The following LRRC4C variants were observed in gnomAD, a reference collection of about 807,000 sequenced individuals.
LRRC4C encodes the protein leucine-rich repeat-containing protein 4C.
Under a neutral mutation model 33.6 loss-of-function variants are expected in LRRC4C, and 5 were observed. The ratio of observed to expected loss-of-function variants is 0.15; its 90% CI spans 0.08 to 0.31. The LOEUF (loss-of-function observed/expected upper bound fraction) is 0.31. Ranked by LOEUF, LRRC4C falls within the 10% of genes least tolerant of loss-of-function variation. The pLI is 1.00. For synonymous variants in LRRC4C, 329 were observed against 302.0 expected (o/e 1.09, Z -0.93); for missense variants, 560 against 796.7 (o/e 0.70, Z 3.58).
At position 40,880,637 on chromosome 11, in the gene LRRC4C, T is replaced by C. The variant is rs1955124511; in HGVS notation, c.-407+52998A>G. On this transcript the variant is annotated intron_variant, in intron 2 of 6. Transcript: ENST00000528697. Reference sequence around the variant, plus strand: ...TCAAATTATTCTTGATATAAGAATATATGTATATCTTTACTAATGCATCAA... The same window carrying C: ...TCAAATTATTCTTGATATAAGAATACATGTATATCTTTACTAATGCATCAA... Among the ~76,000 whole-genome samples, 4 of 151,614 alleles carry C rather than the reference T, an allele frequency of 2.6e-5. No homozygotes were observed. In the South Asian group the frequency reaches 8.3e-4, roughly 32 times the overall value.
At chr11:40,612,409 G>T (rs911142738) in intron 3 of LRRC4C, among the ~76,000 whole-genome samples, 1 of 151,820 alleles carries the variant, frequency 6.6e-6, no homozygotes, top group Admixed American at 6.6e-5. Context: ...AGGAGGTATT[G>T]TTCAATGGGT....
intron 2 of LRRC4C, among the ~76,000 whole-genome samples, chr11:40,706,803 A>G (rs1399962373): frequency 2.6e-5 from 4 of 152,138 alleles, no homozygotes; most frequent in African/African-American, 9.7e-5. Flanking sequence ...CTTGGGCAGT[A>G]TGGCCATTTT....
Position 40,381,167 on chromosome 11 carries a change from T to C in LRRC4C, c.-269-61446A>G, listed in dbSNP as rs909033765. ...TTCGACCTAGACAAAGAATTAGTCT[T>C]TGTTGGGAAAAGTATTAACCATTTA... On this transcript the variant is annotated intron_variant, in intron 3 of 6. Transcript: ENST00000528697. Among the ~76,000 whole-genome samples, 8 of 152,190 alleles carry C rather than the reference T, an allele frequency of 5.3e-5. 1 individual carries two copies. Among genetic ancestry groups the C allele is most frequent in the Admixed American group, 5.2e-4 (8 of 15,286 alleles).
At chr11:40,375,360 TCTC>T (rs1437304463) in intron 3 of LRRC4C, among the ~76,000 whole-genome samples, 3 of 152,130 alleles carry the variant, frequency 2.0e-5, no homozygotes, top group Non-Finnish European at 2.9e-5. Context: ...AAATGAATCT[TCTC>T]TTTAACAGCT....
At chr11:40,839,878 C>T (rs990519230) in intron 2 of LRRC4C, among the ~76,000 whole-genome samples, 2 of 152,056 alleles carry the variant, frequency 1.3e-5, no homozygotes, top group Admixed American at 6.5e-5. Flanking sequence ...TCCAGAATCA[C>T]AACATTTGAA....
chr11:40,340,896 A>G (rs1946836036), intron 3 of LRRC4C, among the ~76,000 whole-genome samples: 1 of 152,190 alleles, frequency 6.6e-6, no homozygotes, highest in African/African-American at 2.4e-5. Flanking sequence ...GTAGTCACTT[A>G]TCTACCATGG....
At chr11:41,453,928 T>C (rs1228911952) in intron 1 of LRRC4C, among the ~76,000 whole-genome samples, 4 of 152,118 alleles carry the variant, frequency 2.6e-5, no homozygotes, top group South Asian at 4.1e-4. Context: ...TTTTGACCAA[T>C]TGACATCCCT....
intron 3 of LRRC4C, among the ~76,000 whole-genome samples, chr11:40,499,955 G>A (rs1565449629): frequency 6.6e-6 from 1 of 152,030 alleles, no homozygotes; most frequent in Non-Finnish European, 1.5e-5. Flanking sequence ...AGGGATCATT[G>A]GGTGTTTTTC....
At chr11:40,488,416 T>A (rs1463342852) in intron 3 of LRRC4C, among the ~76,000 whole-genome samples, 1 of 152,070 alleles carries the variant, frequency 6.6e-6, no homozygotes, top group Non-Finnish European at 1.5e-5. Flanking sequence ...AGACAACACA[T>A]TCTCATGGGG....
intron 1 of LRRC4C, among the ~76,000 whole-genome samples, chr11:41,420,709 A>G (rs1190770526): frequency 6.6e-6 from 1 of 151,958 alleles, no homozygotes; most frequent in East Asian, 1.9e-4. Flanking sequence ...GGCCCCACTA[A>G]TTACAAGCTG....
At chr11:40,918,550 A>G (rs1428054936) in intron 2 of LRRC4C, among the ~76,000 whole-genome samples, 1 of 152,020 alleles carries the variant, frequency 6.6e-6, no homozygotes, top group Non-Finnish European at 1.5e-5. Context: ...ACCTTCTTTT[A>G]GGATGGCACA....
At chr11:40,298,263 A>G (rs1944608206) in intron 4 of LRRC4C, among the ~76,000 whole-genome samples, 1 of 152,086 alleles carries the variant, frequency 6.6e-6, no homozygotes, top group African/African-American at 2.4e-5. Flanking sequence ...ATAATAAACC[A>G]TTTGAAATCT....
Position 40,267,231 on chromosome 11 carries a change from T to G in LRRC4C, c.-175-25633A>C, listed in dbSNP as rs553542381. 7.9e-5 allele frequency among the ~76,000 whole-genome samples: 12 copies of G among 152,308 alleles called. No individual in the cohort carries two copies. In the South Asian group the frequency reaches 2.5e-3, roughly 32 times the overall value. On this transcript the variant is annotated intron_variant, in intron 4 of 6. Transcript: ENST00000528697. The stretch of plus-strand genomic sequence containing the variant: ...ATGATCTTGGCTCTGAATAAGTGTT[T>G]AGTAAAAAATATGTTAACTTACTAA...
intron 4 of LRRC4C, among the ~76,000 whole-genome samples, chr11:40,314,994 G>A (rs906241824): frequency 2.0e-5 from 3 of 151,836 alleles, no homozygotes; most frequent in East Asian, 3.9e-4. Context: ...TATCACTATC[G>A]GACAACTGTA....
intron 3 of LRRC4C, among the ~76,000 whole-genome samples, chr11:40,336,844 G>A (rs1946630657): frequency 6.6e-6 from 1 of 151,688 alleles, no homozygotes; most frequent in African/African-American, 2.4e-5. Context: ...GGGAGTGGCG[G>A]GGGGCGCCTG....
chr11:41,005,187 G>C (rs772507560), intron 1 of LRRC4C, among the ~76,000 whole-genome samples: 36 of 152,092 alleles, frequency 2.4e-4, no homozygotes, highest in Non-Finnish European at 4.4e-4. Context: ...ATCTCATGTT[G>C]AAATGTAATC....
At chr11:40,435,399 A>G (rs1383616542) in intron 3 of LRRC4C, among the ~76,000 whole-genome samples, 1 of 152,142 alleles carries the variant, frequency 6.6e-6, no homozygotes, top group Non-Finnish European at 1.5e-5. Context: ...TTGAATTGCT[A>G]TTGATGGTTC....
intron 2 of LRRC4C, among the ~76,000 whole-genome samples, chr11:40,688,048 G>C (rs1456048905): frequency 2.0e-5 from 3 of 151,874 alleles, no homozygotes; most frequent in African/African-American, 4.8e-5. Flanking sequence ...GCCTGGCAAT[G>C]AATGGAATGG....
intron 1 of LRRC4C, among the ~76,000 whole-genome samples, chr11:40,953,825 A>G (rs2136763190): frequency 6.6e-6 from 1 of 152,012 alleles, no homozygotes; most frequent in Admixed American, 6.6e-5. Flanking sequence ...AGCCTACCAT[A>G]GCATATAGTT....
Sources: gnomAD v4.1 joint callset for allele counts (sites outside exome capture counted in the v4.1 genomes callset) on GRCh38, gnomAD v4.1.1 for gene constraint, MANE v1.5 for transcripts, NCBI Gene and HGNC (gene_info 2026-07-23, HGNC 2026-07-21) for gene names.